Variants in SLC16A2 observed in about 807,000 individuals in gnomAD.
SLC16A2 encodes the protein solute carrier family 16 member 2, also known as monocarboxylate transporter 8.
Under a neutral mutation model 27.2 loss-of-function variants are expected in SLC16A2, and 3 were observed. That is an observed-to-expected ratio of 0.11 (90% CI 0.05 to 0.28). The LOEUF (loss-of-function observed/expected upper bound fraction) is 0.28, where lower values mean the gene tolerates loss of function less well. SLC16A2 is among the 10% of genes least tolerant of loss of function. SLC16A2 has a pLI of 1.00. For missense variants in SLC16A2, 295 were observed against 458.5 expected (o/e 0.64, Z 3.26); for synonymous variants, 202 against 187.8 (o/e 1.08, Z -0.62).
chrX:74,508,460 C>T (rs5981633), intron 1 of SLC16A2, among the ~76,000 whole-genome samples: 58,443 of 111,053 alleles, frequency 0.53, 13,397 homozygotes, highest in Non-Finnish European at 0.73. Flanking sequence ...GATGACATTG[C>T]AAATGGTATT....
intron 2 of SLC16A2, among the ~76,000 whole-genome samples, chrX:74,523,127 G>C (rs970248053): frequency 8.9e-6 from 1 of 112,370 alleles, no homozygotes; most frequent in Admixed American, 9.4e-5. Flanking sequence ...CGATCCCATA[G>C]GGTACCTAGA....
In SLC16A2 at chrX:74,421,519, G is replaced by T; in HGVS notation, c.-119G>T. 1.0e-6 allele frequency: 1 copy of T among 974,213 alleles called. No homozygotes were observed. The highest frequency in any genetic ancestry group is 3.3e-5 in the East Asian group (1 of 30,577). The allele number at this position is 974,213 out of a possible 1,213,427, so 80.3% of individuals were successfully genotyped here. A position where few individuals can be genotyped will look rare whatever the true frequency, so the allele number is the denominator to read the frequency against. On this transcript the variant is annotated 5_prime_UTR_variant, in exon 1 of 6. Transcript: ENST00000587091. Reference sequence around the variant, plus strand: ...GCCAGCTGGGGCGCGGAGCCTGGAGGAGGAGGCAGCGGCAGCGGCAGCAGC... The same window carrying T: ...GCCAGCTGGGGCGCGGAGCCTGGAGTAGGAGGCAGCGGCAGCGGCAGCAGC...
chrX:74,485,403 T>TTA (rs769170319), intron 1 of SLC16A2, among the ~76,000 whole-genome samples: 19 of 108,114 alleles, frequency 1.8e-4, no homozygotes, highest in East Asian at 1.2e-3. Flanking sequence ...ATAGATATCT[T>TTA]TATATATATA....
intron 1 of SLC16A2, among the ~76,000 whole-genome samples, chrX:74,517,469 T>A (rs917058943): frequency 1.8e-5 from 2 of 111,121 alleles, no homozygotes; most frequent in African/African-American, 6.5e-5. Context: ...AATTTAATTA[T>A]TTTTTTTCTC....
chrX:74,511,984 T>C (rs1930241164), intron 1 of SLC16A2, among the ~76,000 whole-genome samples: 1 of 111,735 alleles, frequency 8.9e-6, no homozygotes, highest in Admixed American at 9.5e-5. Flanking sequence ...TTGCATTTCT[T>C]CCCTCTGGAG....
chrX:74,432,288 A>G (rs915076740), intron 1 of SLC16A2, among the ~76,000 whole-genome samples: 6 of 111,460 alleles, frequency 5.4e-5, no homozygotes, highest in Non-Finnish European at 9.4e-5. Flanking sequence ...CATCAAGCAT[A>G]GAAGGAGCTT....
intron 1 of SLC16A2, among the ~76,000 whole-genome samples, chrX:74,486,904 C>T (rs1027811297): frequency 1.2e-4 from 13 of 111,332 alleles, no homozygotes; most frequent in Admixed American, 3.8e-4. Flanking sequence ...ACTACGCAGC[C>T]GTAAAAAAGG....
intron 1 of SLC16A2, 24 bp downstream of exon 1, chrX:74,422,091 T>C: frequency 8.4e-7 from 1 of 1,197,523 alleles, no homozygotes; most frequent in Non-Finnish European, 1.1e-6. Flanking sequence ...CACGCCCCAC[T>C]TGGCATTTTG....
At chrX:74,446,901 A>T (rs998043915) in intron 1 of SLC16A2, among the ~76,000 whole-genome samples, 6 of 112,339 alleles carry the variant, frequency 5.3e-5, no homozygotes, top group Admixed American at 9.4e-5. Context: ...CAAAAGAAAG[A>T]ACTTCTCAAC....
chrX:74,459,418 A>G (rs1887265), intron 1 of SLC16A2, among the ~76,000 whole-genome samples: 11,708 of 103,514 alleles, frequency 0.11, 665 homozygotes, highest in South Asian at 0.26. Context: ...GCAGGGAGAG[A>G]CTGTACCCCA....
chrX:74,430,157 C>T (rs1928509068), intron 1 of SLC16A2, among the ~76,000 whole-genome samples: 2 of 112,323 alleles, frequency 1.8e-5, no homozygotes. Flanking sequence ...TTTACATGTA[C>T]CAACTTATTT....
rs529001956 is a variant in SLC16A2 at position 74,492,976 on chromosome X, C to T, written c.431-28014C>T. ...CTCAGCTATAGACAGCTGGCCTCCCCGATGTTTTTCTCATCCAGCACAGAC... is the reference window on the plus strand; with the variant it reads ...CTCAGCTATAGACAGCTGGCCTCCCTGATGTTTTTCTCATCCAGCACAGAC... On this transcript the variant is annotated intron_variant, in intron 1 of 5. Coordinates refer to ENST00000587091, the MANE Select transcript of SLC16A2 (RefSeq NM_006517.5). Among the ~76,000 whole-genome samples the T allele has an allele frequency of 3.6e-5, 4 of 111,927 alleles. No individual in the cohort carries two copies. The South Asian group carries it at 1.5e-3, about 42-fold the overall frequency.
chrX:74,510,482 T>C (rs973327115), intron 1 of SLC16A2, among the ~76,000 whole-genome samples: 1 of 112,292 alleles, frequency 8.9e-6, no homozygotes, highest in African/African-American at 3.2e-5. Flanking sequence ...TCAGTGGCCA[T>C]AGGCCATTAA....
chrX:74,447,415 G>A (rs1006684326), intron 1 of SLC16A2, among the ~76,000 whole-genome samples: 1 of 111,447 alleles, frequency 9.0e-6, no homozygotes, highest in Non-Finnish European at 1.9e-5. Context: ...GTTCATACCC[G>A]TAATCCCAAC....
chrX:74,461,066 GTTTCT>G (rs1427227018), intron 1 of SLC16A2, among the ~76,000 whole-genome samples: 1 of 112,003 alleles, frequency 8.9e-6, no homozygotes, highest in Non-Finnish European at 1.9e-5. Flanking sequence ...AGACAAATAA[GTTTCT>G]TTTATTTAAT....
rs1930465068 is a variant in SLC16A2 at position 74,524,819 on chromosome X, A to T, written c.1026+10A>T. 8.4e-7 allele frequency: 1 copy of T among 1,197,546 alleles called. No homozygotes were observed. Among genetic ancestry groups the T allele is most frequent in the Non-Finnish European group, 1.1e-6 (1 of 888,728 alleles). ...TCCCTATGTACACCTGGTGAGGAAT[A>T]CCAGAGTGGGCCCACCCCACCTGGC... is the stretch of plus-strand genomic sequence containing the variant. On this transcript the variant is annotated intron_variant, in intron 3 of 5. Transcript: ENST00000587091.
At chrX:74,492,544 G>A (rs1410035215) in intron 1 of SLC16A2, among the ~76,000 whole-genome samples, 2 of 110,713 alleles carry the variant, frequency 1.8e-5, no homozygotes, top group East Asian at 5.7e-4. Flanking sequence ...GTTTTGTCTA[G>A]CCAAGTCAGG....
chrX:74,444,493 G>A (rs1028198338), intron 1 of SLC16A2, among the ~76,000 whole-genome samples: 3 of 111,707 alleles, frequency 2.7e-5, no homozygotes, highest in East Asian at 2.8e-4. Context: ...CAAGGAATCC[G>A]AAAGCTTGGG....
chrX:74,440,770 C>T (rs1312738621), intron 1 of SLC16A2, among the ~76,000 whole-genome samples: 2 of 104,050 alleles, frequency 1.9e-5, no homozygotes, highest in Non-Finnish European at 3.9e-5. Flanking sequence ...TGTGTGTGGA[C>T]GTGAACACGG....
Sources: gnomAD v4.1 joint callset for allele counts (sites outside exome capture counted in the v4.1 genomes callset) on GRCh38, gnomAD v4.1.1 for gene constraint, MANE v1.5 for transcripts, NCBI Gene and HGNC (gene_info 2026-07-23, HGNC 2026-07-21) for gene names.